The following LINGO2 variants were observed in gnomAD, a reference collection of about 807,000 sequenced individuals.
LINGO2 encodes leucine-rich repeat and immunoglobulin-like domain-containing nogo receptor-interacting protein 2.
In LINGO2, 14 loss-of-function variants were observed where a neutral mutation model predicts 30.6. The observed-to-expected ratio is 0.46, with a 90% CI of 0.30 to 0.72. The LOEUF (loss-of-function observed/expected upper bound fraction) is 0.72, where lower values mean the gene tolerates loss of function less well. Ranked by LOEUF, LINGO2 falls within the 30% of genes least tolerant of loss-of-function variation. The pLI is 0.07. For synonymous variants in LINGO2, 317 were observed against 288.5 expected (o/e 1.10, Z -1.00); for missense variants, 729 against 751.7 (o/e 0.97, Z 0.35).
At chr9:28,038,761 C>A (rs995488875) in intron 4 of LINGO2, among the ~76,000 whole-genome samples, 22 of 151,300 alleles carry the variant, frequency 1.5e-4, no homozygotes, top group Non-Finnish European at 7.4e-5. Context: ...GTGTTGAAAT[C>A]AAACACTCCA....
At chr9:27,959,450 T>G (rs1408643446) in intron 5 of LINGO2, among the ~76,000 whole-genome samples, 7 of 152,192 alleles carry the variant, frequency 4.6e-5, no homozygotes, top group Non-Finnish European at 7.4e-5. Flanking sequence ...TGATTTTTTA[T>G]AAAGTATCAT....
intron 4 of LINGO2, among the ~76,000 whole-genome samples, chr9:28,190,137 T>G (rs1185264476): frequency 6.6e-6 from 1 of 152,152 alleles, no homozygotes; most frequent in East Asian, 1.9e-4. Flanking sequence ...TTTCCTTAGC[T>G]CCATAGTAAT....
chr9:28,239,303 T>G (rs1821692825), intron 4 of LINGO2, among the ~76,000 whole-genome samples: 1 of 152,086 alleles, frequency 6.6e-6, no homozygotes, highest in South Asian at 2.1e-4. Context: ...ATTATTGTCC[T>G]GATACCAAAA....
chr9:28,725,540 TAAAC>T, the LINGO2 span, among the ~76,000 whole-genome samples: 1 of 91,278 alleles, frequency 1.1e-5, no homozygotes. Context: ...ATCTCAAAGA[TAAAC>T]AAAATCTCAA....
the LINGO2 span, among the ~76,000 whole-genome samples, chr9:28,698,272 AATAAGCCATTCATATTATC>A: frequency 1.3e-5 from 2 of 152,116 alleles, no homozygotes; most frequent in Non-Finnish European, 2.9e-5. Flanking sequence ...ATACATTTAT[AATAAGCCATTCATATTATC>A]ATAAGATACT....
At chr9:28,433,589 C>T (rs897276473) in intron 2 of LINGO2, among the ~76,000 whole-genome samples, 3 of 152,006 alleles carry the variant, frequency 2.0e-5, no homozygotes, top group African/African-American at 7.2e-5. Context: ...GATATCACTG[C>T]ACTCCAGCGA....
At chr9:28,434,430 A>G (rs1222367958) in intron 2 of LINGO2, among the ~76,000 whole-genome samples, 1 of 151,800 alleles carries the variant, frequency 6.6e-6, no homozygotes, top group Non-Finnish European at 1.5e-5. Flanking sequence ...TGGTTAGTCA[A>G]TCATCTGAAC....
At chr9:28,357,011 C>T (rs1315767636) in intron 3 of LINGO2, among the ~76,000 whole-genome samples, 1 of 151,974 alleles carries the variant, frequency 6.6e-6, no homozygotes, top group African/African-American at 2.4e-5. Flanking sequence ...CATATCTAGG[C>T]TCCTATGCAA....
At chr9:28,086,335 G>A (rs1050259807) in intron 4 of LINGO2, among the ~76,000 whole-genome samples, 9 of 152,104 alleles carry the variant, frequency 5.9e-5, no homozygotes, top group Non-Finnish European at 1.3e-4. Context: ...CAGAAAGAAT[G>A]GGAAAAGCCT....
chr9:28,064,274 C>T (rs1825242568), intron 4 of LINGO2, among the ~76,000 whole-genome samples: 1 of 152,106 alleles, frequency 6.6e-6, no homozygotes, highest in Non-Finnish European at 1.5e-5. Context: ...GTTAAAGGCA[C>T]CGACATTTCC....
At chr9:28,886,158 T>C in the LINGO2 span, among the ~76,000 whole-genome samples, 8 of 152,180 alleles carry the variant, frequency 5.3e-5, no homozygotes, top group African/African-American at 1.2e-4. Context: ...TTGCTTTCAG[T>C]GTACTGACAT....
At chr9:28,291,219 A>C (rs1373441951) in intron 4 of LINGO2, among the ~76,000 whole-genome samples, 1 of 152,148 alleles carries the variant, frequency 6.6e-6, no homozygotes, top group Non-Finnish European at 1.5e-5. Context: ...GCTTCTTTGG[A>C]ACCCAAACTA....
the LINGO2 span, among the ~76,000 whole-genome samples, chr9:28,688,855 A>G: frequency 6.6e-6 from 1 of 152,096 alleles, no homozygotes; most frequent in Non-Finnish European, 1.5e-5. Flanking sequence ...TGTGCACATA[A>G]CGTCCTATAA....
chr9:28,086,860 G>A (rs1246147235), intron 4 of LINGO2, among the ~76,000 whole-genome samples: 1 of 143,354 alleles, frequency 7.0e-6, no homozygotes, highest in Non-Finnish European at 1.6e-5. Context: ...TAAATAGCAA[G>A]TATTCTAGAT....
chr9:28,286,893 G>A (rs1823529173), intron 4 of LINGO2, among the ~76,000 whole-genome samples: 1 of 152,124 alleles, frequency 6.6e-6, no homozygotes, highest in African/African-American at 2.4e-5. Flanking sequence ...TAAATAATCT[G>A]TACAACAGCC....
the LINGO2 span, among the ~76,000 whole-genome samples, chr9:28,701,587 C>T: frequency 1.3e-5 from 2 of 151,912 alleles, no homozygotes; most frequent in African/African-American, 2.4e-5. Flanking sequence ...AGTCCTGTGA[C>T]CTTGTTTTTT....
At chr9:28,690,885 A>G in the LINGO2 span, among the ~76,000 whole-genome samples, 1 of 152,204 alleles carries the variant, frequency 6.6e-6, no homozygotes, top group Non-Finnish European at 1.5e-5. Context: ...ACACACTGCC[A>G]TCCCATGGTT....
intron 4 of LINGO2, among the ~76,000 whole-genome samples, chr9:28,033,972 A>C (rs1373881202): frequency 1.3e-5 from 2 of 152,150 alleles, no homozygotes; most frequent in Non-Finnish European, 2.9e-5. Flanking sequence ...CTTCTCTAAG[A>C]AGGGGCTGTT....
At chr9:28,350,691 T>G (rs1468287973) in intron 3 of LINGO2, among the ~76,000 whole-genome samples, 1 of 151,690 alleles carries the variant, frequency 6.6e-6, no homozygotes, top group Non-Finnish European at 1.5e-5. Flanking sequence ...ATCAACAGAA[T>G]ATACATTTTT....
Sources: allele counts gnomAD v4.1 joint callset (sites outside exome capture counted in the v4.1 genomes callset), GRCh38; gene constraint gnomAD v4.1.1; transcripts MANE v1.5; gene names NCBI Gene and HGNC (gene_info 2026-07-23, HGNC 2026-07-21).